The following DMD variants were observed in gnomAD, a reference collection of about 807,000 sequenced individuals.
DMD encodes mutant dystrophin.
A neutral mutation model predicts 330.1 loss-of-function variants in DMD; 63 were observed. That is an observed-to-expected ratio of 0.19 (90% CI 0.16 to 0.24). The LOEUF (loss-of-function observed/expected upper bound fraction) is 0.24. DMD is among the 10% of genes least tolerant of loss of function. The pLI, the probability that DMD is intolerant of heterozygous loss-of-function variation, is 1.00. For missense variants in DMD, 3,344 were observed against 2,684.1 expected, an observed-to-expected ratio of 1.25 and a Z score of -5.43; for synonymous variants, 1,223 against 959.8, an observed-to-expected ratio of 1.27 and a Z score of -5.07.
In DMD at chrX:31,507,532, T is replaced by A. The variant is rs2071073865; in HGVS notation, c.8218-79A>T. The A allele has an allele frequency of 5.3e-6, 5 of 944,969 alleles. No homozygotes were observed. In the Admixed American group the frequency reaches 7.9e-5, roughly 15 times the overall value. The allele number at this position is 944,969 out of a possible 1,213,427, so 77.9% of individuals were successfully genotyped here. On this transcript the variant is annotated intron_variant, in intron 55 of 78. Transcript: ENST00000357033. ...AGCGATGAATGTGAATTTGGAGAAT[T>A]GCAAAATATAAATAATTATTAGTTC...
At chrX:33,040,155 A>G (rs1485357117) in intron 1 of DMD, among the ~76,000 whole-genome samples, 2 of 111,765 alleles carry the variant, frequency 1.8e-5, no homozygotes, top group South Asian at 3.8e-4. Flanking sequence ...ACAAACTTCT[A>G]TTGGGAACTT....
At chrX:32,139,519 C>A (rs1333839365) in intron 44 of DMD, among the ~76,000 whole-genome samples, 1 of 112,166 alleles carries the variant, frequency 8.9e-6, no homozygotes, top group Non-Finnish European at 1.9e-5. Context: ...ACTTCTTTAT[C>A]TTGATAGTGG....
intron 44 of DMD, among the ~76,000 whole-genome samples, chrX:32,197,605 A>T (rs61233660): frequency 0.033 from 3,642 of 111,864 alleles, 135 homozygotes; most frequent in African/African-American, 0.11. Flanking sequence ...AACATCAAAA[A>T]TTTATTGGAC....
intron 43 of DMD, among the ~76,000 whole-genome samples, chrX:32,269,157 C>T (rs1239522084): frequency 9.0e-6 from 1 of 110,880 alleles, no homozygotes; most frequent in African/African-American, 3.3e-5. Flanking sequence ...CGACCTTCCT[C>T]TGGAAACACT....
intron 41 of DMD, among the ~76,000 whole-genome samples, chrX:32,317,259 GA>G (rs1195546774): frequency 9.1e-6 from 1 of 110,386 alleles, no homozygotes; most frequent in Admixed American, 9.7e-5. Flanking sequence ...TCATTTTCTA[GA>G]AACAAAAAGA....
At chrX:32,242,136 G>C (rs887273799) in intron 43 of DMD, among the ~76,000 whole-genome samples, 1 of 112,149 alleles carries the variant, frequency 8.9e-6, no homozygotes, top group Non-Finnish European at 1.9e-5. Context: ...AACAAGAACT[G>C]TCTACATATT....
intron 34 of DMD, among the ~76,000 whole-genome samples, chrX:32,372,293 A>T (rs892466433): frequency 1.6e-4 from 18 of 112,108 alleles, no homozygotes; most frequent in African/African-American, 5.8e-4. Context: ...TATCTTATGT[A>T]CATGGGAAAT....
chrX:31,557,724 G>A (rs940656970), intron 55 of DMD, among the ~76,000 whole-genome samples: 1 of 111,988 alleles, frequency 8.9e-6, no homozygotes. Context: ...GGTTGCCAAA[G>A]GAGGGGAAAG....
chrX:31,394,096 T>C (rs942923200), intron 60 of DMD, among the ~76,000 whole-genome samples: 1 of 112,833 alleles, frequency 8.9e-6, no homozygotes, highest in Non-Finnish European at 1.9e-5. Context: ...ATACTTGGTA[T>C]TGGTAATATT....
chrX:31,526,491 C>A (rs2073246712), intron 55 of DMD, among the ~76,000 whole-genome samples: 1 of 112,011 alleles, frequency 8.9e-6, no homozygotes, highest in Non-Finnish European at 1.9e-5. Flanking sequence ...ACATATATAG[C>A]TATTTAACCT....
intron 52 of DMD, among the ~76,000 whole-genome samples, chrX:31,699,290 G>A (rs772425785): frequency 4.5e-5 from 5 of 112,219 alleles, no homozygotes; most frequent in Admixed American, 9.4e-5. Flanking sequence ...TGTGAAATAC[G>A]TTTCTTGATG....
At chrX:32,394,507 A>T (rs1199012271) in intron 30 of DMD, among the ~76,000 whole-genome samples, 1 of 112,227 alleles carries the variant, frequency 8.9e-6, no homozygotes, top group Non-Finnish European at 1.9e-5. Context: ...GGTTTTGGTC[A>T]AAAAGATCAG....
chrX:31,891,258 G>T (rs2094245230), intron 47 of DMD, among the ~76,000 whole-genome samples: 1 of 111,506 alleles, frequency 9.0e-6, no homozygotes, highest in African/African-American at 3.3e-5. Context: ...TCAAAGATGG[G>T]TTGGTCTCTT....
intron 54 of DMD, among the ~76,000 whole-genome samples, chrX:31,652,197 A>G (rs1044651383): frequency 1.8e-5 from 2 of 111,673 alleles, no homozygotes; most frequent in Non-Finnish European, 3.8e-5. Context: ...CAGGTCTTTT[A>G]GAATTTGCTT....
At chrX:33,250,449 C>T (rs1338820836) in intron 1 of DMD, among the ~76,000 whole-genome samples, 1 of 110,652 alleles carries the variant, frequency 9.0e-6, no homozygotes, top group Non-Finnish European at 1.9e-5. Context: ...CTTCTGCTCA[C>T]CTCCTGCTGT....
At chrX:31,404,003 A>G (rs1241352256) in intron 60 of DMD, among the ~76,000 whole-genome samples, 2 of 108,973 alleles carry the variant, frequency 1.8e-5, no homozygotes, top group African/African-American at 3.5e-5. Context: ...GTAATGAATC[A>G]CTGAATTTCT....
intron 1 of DMD, among the ~76,000 whole-genome samples, chrX:33,028,238 G>T (rs2094038797): frequency 9.0e-6 from 1 of 111,648 alleles, no homozygotes; most frequent in Non-Finnish European, 1.9e-5. Context: ...TGTTTACGGG[G>T]TAGTATTGGT....
chrX:31,535,836 A>G (rs999180339), intron 55 of DMD, among the ~76,000 whole-genome samples: 1 of 111,710 alleles, frequency 9.0e-6, no homozygotes, highest in Non-Finnish European at 1.9e-5. Flanking sequence ...TCCCAGTCTA[A>G]TCCGGGGTTT....
intron 22 of DMD, 130 bp downstream of exon 22, chrX:32,472,034 T>A: frequency 1.2e-6 from 1 of 819,694 alleles, no homozygotes; most frequent in Non-Finnish European, 1.8e-6. Flanking sequence ...AAGTCTCATT[T>A]TCATTTGCTC....
Sources: gnomAD v4.1 joint callset for allele counts (sites outside exome capture counted in the v4.1 genomes callset) on GRCh38, gnomAD v4.1.1 for gene constraint, MANE v1.5 for transcripts, NCBI Gene and HGNC (gene_info 2026-07-23, HGNC 2026-07-21) for gene names.